Variants in TTC12 observed in about 807,000 individuals in gnomAD.
The protein encoded by TTC12 is tetratricopeptide repeat protein 12.
Under a neutral mutation model 90.1 loss-of-function variants are expected in TTC12, and 70 were observed. The observed-to-expected ratio is 0.78, with a 90% CI of 0.64 to 0.95. The LOEUF (loss-of-function observed/expected upper bound fraction) is 0.95, where lower values mean the gene tolerates loss of function less well. Among genes scored for constraint, TTC12 ranks in the 40% least tolerant of loss-of-function variants. TTC12 has a pLI of 0.00. For missense variants in TTC12, 819 were observed against 846.1 expected, an observed-to-expected ratio of 0.97 and a Z score of 0.40; for synonymous variants, 296 against 311.5, an observed-to-expected ratio of 0.95 and a Z score of 0.53.
At chr11:113,331,259 C>T (rs1948044601) in intron 7 of TTC12, among the ~76,000 whole-genome samples, 1 of 152,182 alleles carries the variant, frequency 6.6e-6, no homozygotes, top group Non-Finnish European at 1.5e-5. Flanking sequence ...CATCATAGAT[C>T]CACTAACCTG....
intron 2 of TTC12, 53 bp downstream of exon 2, chr11:113,316,368 TA>T: frequency 1.1e-6 from 1 of 919,046 alleles, no homozygotes; most frequent in South Asian, 3.0e-5. Context: ...GTGGAGTAGA[TA>T]AATGATTGCT....
At chr11:113,368,103 C>T, downstream of TTC12, 3 of 1,159,838 alleles carry the variant, frequency 2.6e-6, no homozygotes, top group Non-Finnish European at 3.4e-6. Flanking sequence ...TCCTTCTTGG[C>T]TCTTGAAAAT....
At chr11:113,349,087 G>C (rs529181023) in intron 13 of TTC12, among the ~76,000 whole-genome samples, 1 of 152,296 alleles carries the variant, frequency 6.6e-6, no homozygotes, top group South Asian at 2.1e-4. Flanking sequence ...TGACCACATT[G>C]CCTGGTACAC....
chr11:113,358,014 G>C (rs551694841), intron 16 of TTC12, among the ~76,000 whole-genome samples: 1 of 152,370 alleles, frequency 6.6e-6, no homozygotes, highest in African/African-American at 2.4e-5. Context: ...GCAGCTGGGG[G>C]AGAGGGTCCC....
At chr11:113,351,061 AT>A (rs1949260235) in intron 14 of TTC12, among the ~76,000 whole-genome samples, 177 bp from the exon 15 acceptor site, 1 of 152,228 alleles carries the variant, frequency 6.6e-6, no homozygotes, top group Admixed American at 6.5e-5. Context: ...ACTCAGAAAA[AT>A]TAGAGCCACA....
downstream of TTC12, chr11:113,368,662 T>G (rs1950293579): frequency 1.5e-6 from 1 of 682,752 alleles, no homozygotes; most frequent in Admixed American, 2.3e-5. Flanking sequence ...GGACTGAGGT[T>G]CAGAGTTGAG....
At chr11:113,325,803 ACCAGTTT>A in intron 6 of TTC12, 158 bp downstream of exon 6, 1 of 875,056 alleles carries the variant, frequency 1.1e-6, no homozygotes, top group South Asian at 1.8e-5. Flanking sequence ...CACAGCATTT[ACCAGTTT>A]CCATGATGCA....
At chr11:113,344,138 A>C in intron 12 of TTC12, 134 bp from the exon 13 acceptor site, 2 of 1,037,408 alleles carry the variant, frequency 1.9e-6, no homozygotes, top group Non-Finnish European at 2.8e-6. Flanking sequence ...TCTAGAATCC[A>C]CACTCTTACA....
downstream of TTC12, chr11:113,368,290 T>A (rs1303842622): frequency 2.0e-6 from 3 of 1,537,298 alleles, no homozygotes; most frequent in Admixed American, 3.9e-5. Flanking sequence ...GCTAGTATTC[T>A]CCCTCTCCAG....
At chr11:113,360,057 T>C in intron 18 of TTC12, 49 bp downstream of exon 18, 1 of 1,135,746 alleles carries the variant, frequency 8.8e-7, no homozygotes, top group Non-Finnish European at 1.3e-6. Context: ...TGTTCTTGTT[T>C]TGTTTTGTTT....
intron 16 of TTC12, among the ~76,000 whole-genome samples, chr11:113,352,629 G>T (rs1352342477): frequency 6.6e-6 from 1 of 151,988 alleles, no homozygotes; most frequent in Non-Finnish European, 1.5e-5. Flanking sequence ...GCAGGCCCCA[G>T]TGTGTGTTGT....
chr11:113,321,311 C>A (rs1036921162), intron 2 of TTC12, among the ~76,000 whole-genome samples: 6 of 152,176 alleles, frequency 3.9e-5, no homozygotes, highest in Non-Finnish European at 8.8e-5. Flanking sequence ...AAAATTGGTA[C>A]AGCCATATCC....
intron 18 of TTC12, among the ~76,000 whole-genome samples, chr11:113,360,801 A>G (rs1949885463): frequency 2.6e-5 from 4 of 152,224 alleles, no homozygotes; most frequent in Admixed American, 1.3e-4. Context: ...GAGTAGATCC[A>G]ACATACCCTG....
At chr11:113,326,583 G>A (rs921838916) in intron 6 of TTC12, among the ~76,000 whole-genome samples, 2 of 152,118 alleles carry the variant, frequency 1.3e-5, no homozygotes, top group South Asian at 2.1e-4. Flanking sequence ...CAGGACATTC[G>A]GAAGCCGAAA....
At chr11:113,345,043 A>G (rs1239089048) in intron 13 of TTC12, among the ~76,000 whole-genome samples, 2 of 151,986 alleles carry the variant, frequency 1.3e-5, no homozygotes, top group Admixed American at 6.6e-5. Flanking sequence ...TTTATTTGTT[A>G]TTTTGCTCAC....
At position 113,364,965 on chromosome 11, in the gene TTC12, G is replaced by C. The variant is rs1329985363; in HGVS notation, c.1947G>C (p.Gln649His). 10 of 1,614,074 alleles carry C rather than the reference G, an allele frequency of 6.2e-6. No individual in the cohort carries two copies. The Admixed American group carries it at 1.7e-4, about 27-fold the overall frequency. Residue 649 changes from glutamine to histidine, a missense_variant, in exon 21 of 22, where the codon CAG becomes CAC. Transcript: ENST00000529221. ...CCCTGCTAAAGACGGACCTTTTGCA[G>C]GTCTTGTTAAAGCTTGCAGGCAGTG... is the stretch of plus-strand genomic sequence containing the variant. ...ASSLLKTDLL[Q>H]VLLKLAGSDT...
At chr11:113,325,668 C>T (rs368516257) in intron 6 of TTC12, 23 bp downstream of exon 6, 45 of 1,610,560 alleles carry the variant, frequency 2.8e-5, no homozygotes, top group Non-Finnish European at 3.7e-5. Context: ...GGGATGTATC[C>T]ATGGGGCTTT....
At chr11:113,356,634 C>A (rs906463132) in intron 16 of TTC12, among the ~76,000 whole-genome samples, 1 of 152,090 alleles carries the variant, frequency 6.6e-6, no homozygotes, top group Non-Finnish European at 1.5e-5. Context: ...TATGACAGGT[C>A]TGGTGATAAT....
downstream of TTC12, chr11:113,368,790 T>C (rs1055075): frequency 0.67 from 309,527 of 464,128 alleles, 104,472 homozygotes; most frequent in African/African-American, 0.76. Flanking sequence ...AGGGGAAGTA[T>C]GACTAAGAAG....
Sources: gnomAD v4.1 joint callset for allele counts (sites outside exome capture counted in the v4.1 genomes callset) on GRCh38, gnomAD v4.1.1 for gene constraint, MANE v1.5 for transcripts, NCBI Gene and HGNC (gene_info 2026-07-23, HGNC 2026-07-21) for gene names.